CCSER1: variants seen among roughly 807,000 people sequenced by gnomAD.
CCSER1 encodes serine-rich coiled-coil domain-containing protein 1.
In CCSER1, 41 loss-of-function variants were observed where a neutral mutation model predicts 82.0. The ratio of observed to expected loss-of-function variants is 0.50; its 90% CI spans 0.39 to 0.65. The LOEUF is 0.65. Ranked by LOEUF, CCSER1 falls within the 30% of genes least tolerant of loss-of-function variation. CCSER1 has a pLI of 0.00. For synonymous variants in CCSER1, 414 were observed against 383.9 expected (o/e 1.08, Z -0.92); for missense variants, 1,119 against 1,064.2 (o/e 1.05, Z -0.72).
chr4:91,482,011 C>G (rs1246496248), intron 10 of CCSER1, among the ~76,000 whole-genome samples: 1 of 152,124 alleles, frequency 6.6e-6, no homozygotes, highest in Non-Finnish European at 1.5e-5. Context: ...CCAGCAGACA[C>G]ATGAAAAAAT....
chr4:90,619,013 A>T (rs1721809067), intron 5 of CCSER1, among the ~76,000 whole-genome samples: 1 of 151,304 alleles, frequency 6.6e-6, no homozygotes, highest in Non-Finnish European at 1.5e-5. Context: ...AAAAATACTC[A>T]TTATCTATAA....
chr4:90,375,224 G>T (rs745607284), intron 3 of CCSER1, among the ~76,000 whole-genome samples: 7 of 152,134 alleles, frequency 4.6e-5, no homozygotes, highest in Non-Finnish European at 4.4e-5. Context: ...TGGTTATGTT[G>T]CTCACTAGGT....
chr4:90,216,119 A>G (rs1178540299), intron 1 of CCSER1, among the ~76,000 whole-genome samples: 2 of 152,184 alleles, frequency 1.3e-5, no homozygotes, highest in African/African-American at 4.8e-5. Flanking sequence ...TTGCTACTCA[A>G]ATGTGTGGTG....
At chr4:91,229,697 AAG>A (rs1738472455) in intron 10 of CCSER1, among the ~76,000 whole-genome samples, 1 of 152,156 alleles carries the variant, frequency 6.6e-6, no homozygotes, top group South Asian at 2.1e-4. Context: ...GACATGGATG[AAG>A]CTGGAAGCCT....
At chr4:90,388,691 A>C (rs940764803) in intron 3 of CCSER1, among the ~76,000 whole-genome samples, 2 of 151,732 alleles carry the variant, frequency 1.3e-5, no homozygotes, top group East Asian at 1.9e-4. Flanking sequence ...GCTGGAGTGC[A>C]ATGTCGTGAT....
chr4:90,626,858 T>C (rs1158579165), intron 5 of CCSER1, among the ~76,000 whole-genome samples: 1 of 152,202 alleles, frequency 6.6e-6, no homozygotes, highest in Non-Finnish European at 1.5e-5. Flanking sequence ...AAATATTAGC[T>C]ATTATTATAT....
intron 7 of CCSER1, among the ~76,000 whole-genome samples, chr4:90,759,215 C>T (rs1176677328): frequency 6.6e-6 from 1 of 152,142 alleles, no homozygotes; most frequent in Non-Finnish European, 1.5e-5. Flanking sequence ...AATTATGACA[C>T]AGCATTGGAA....
intron 5 of CCSER1, among the ~76,000 whole-genome samples, chr4:90,540,595 A>G (rs1775984023): frequency 6.6e-6 from 1 of 152,130 alleles, no homozygotes; most frequent in Non-Finnish European, 1.5e-5. Context: ...GAAAATGCCC[A>G]TGGAGAAGAG....
intron 10 of CCSER1, among the ~76,000 whole-genome samples, chr4:91,316,641 A>G (rs1261451266): frequency 1.3e-5 from 2 of 151,922 alleles, no homozygotes; most frequent in Non-Finnish European, 2.9e-5. Flanking sequence ...CTTGGTTCTA[A>G]TTCTATTGCT....
At chr4:91,293,685 T>TTG (rs1364168391) in intron 10 of CCSER1, among the ~76,000 whole-genome samples, 1 of 151,948 alleles carries the variant, frequency 6.6e-6, no homozygotes, top group Non-Finnish European at 1.5e-5. Flanking sequence ...CTGCAAGATG[T>TTG]TGTTTAAGTT....
intron 1 of CCSER1, among the ~76,000 whole-genome samples, chr4:90,274,137 C>T (rs1254542231): frequency 6.6e-6 from 1 of 152,064 alleles, no homozygotes; most frequent in Non-Finnish European, 1.5e-5. Context: ...CATTTCATGT[C>T]CAAACTCCCT....
chr4:90,236,527 A>G (rs1054862820), intron 1 of CCSER1, among the ~76,000 whole-genome samples: 2 of 152,198 alleles, frequency 1.3e-5, no homozygotes, highest in African/African-American at 2.4e-5. Flanking sequence ...ATTTGAGGCC[A>G]GTGAAAGTTT....
intron 10 of CCSER1, among the ~76,000 whole-genome samples, chr4:91,100,578 C>CA (rs1227215416): frequency 2.0e-5 from 3 of 152,052 alleles, no homozygotes; most frequent in Non-Finnish European, 4.4e-5. Flanking sequence ...CCAAATATGG[C>CA]AAAAAATTCT....
intron 7 of CCSER1, among the ~76,000 whole-genome samples, chr4:90,752,927 C>T (rs958216732): frequency 1.3e-5 from 2 of 152,026 alleles, no homozygotes; most frequent in Non-Finnish European, 2.9e-5. Context: ...TCTCCAAATC[C>T]CTTTTCCAAT....
intron 10 of CCSER1, among the ~76,000 whole-genome samples, chr4:91,454,161 T>C (rs1756016048): frequency 6.6e-6 from 1 of 152,114 alleles, no homozygotes; most frequent in Non-Finnish European, 1.5e-5. Context: ...ACACACTTTC[T>C]GGCTTAAAAC....
At chr4:91,158,367 T>C (rs1458577769) in intron 10 of CCSER1, among the ~76,000 whole-genome samples, 1 of 151,986 alleles carries the variant, frequency 6.6e-6, no homozygotes, top group Admixed American at 6.6e-5. Context: ...GGGAAAAGGA[T>C]TATAGCCCTG....
chr4:90,563,907 G>A (rs1231802061), intron 5 of CCSER1, among the ~76,000 whole-genome samples: 1 of 152,124 alleles, frequency 6.6e-6, no homozygotes, highest in African/African-American at 2.4e-5. Flanking sequence ...TACCAACAGT[G>A]TGCTAGCGTT....
chr4:90,194,072 G>A, intron 1 of CCSER1, among the ~76,000 whole-genome samples: 1 of 152,020 alleles, frequency 6.6e-6, no homozygotes, highest in East Asian at 1.9e-4. Context: ...CCAGTTGATA[G>A]GCAGTCACAA....
intron 8 of CCSER1, among the ~76,000 whole-genome samples, chr4:90,910,737 C>G (rs1015860209): frequency 1.3e-5 from 2 of 152,138 alleles, no homozygotes; most frequent in Non-Finnish European, 2.9e-5. Context: ...TGTTTAGAGT[C>G]TTGACCCATT....
Sources: gnomAD v4.1 joint callset for allele counts (sites outside exome capture counted in the v4.1 genomes callset) on GRCh38, gnomAD v4.1.1 for gene constraint, MANE v1.5 for transcripts, NCBI Gene and HGNC (gene_info 2026-07-23, HGNC 2026-07-21) for gene names.